The following PDE1C variants were observed in gnomAD, a reference collection of about 807,000 sequenced individuals.
PDE1C encodes the protein dual specificity calcium/calmodulin-dependent 3',5'-cyclic nucleotide phosphodiesterase 1C.
Under a neutral mutation model 93.1 loss-of-function variants are expected in PDE1C, and 62 were observed. The ratio of observed to expected loss-of-function variants is 0.67; its 90% CI spans 0.54 to 0.82. The LOEUF is 0.82. PDE1C is among the 40% of genes least tolerant of loss of function. PDE1C has a pLI of 0.00. For synonymous variants in PDE1C, 325 were observed against 310.1 expected (o/e 1.05, Z -0.50); for missense variants, 742 against 884.6 (o/e 0.84, Z 2.04).
intron 16 of PDE1C, chr7:31,783,821 CT>C (rs1225138237): frequency 6.6e-6 from 1 of 152,150 alleles, no homozygotes; most frequent in Non-Finnish European, 1.5e-5. Context: ...GATGGCCATT[CT>C]TTTACCCTGT....
the PDE1C span, among the ~76,000 whole-genome samples, chr7:31,650,073 C>G: frequency 6.6e-6 from 1 of 152,202 alleles, no homozygotes; most frequent in Admixed American, 6.5e-5. Flanking sequence ...AGTTAGGATT[C>G]TGCCCTCCTA....
chr7:32,261,430 T>C (rs999623354), intron 1 of PDE1C, among the ~76,000 whole-genome samples: 23 of 152,158 alleles, frequency 1.5e-4, no homozygotes, highest in African/African-American at 5.5e-4. Flanking sequence ...AAATTATCTT[T>C]AAAAACTCTG....
At chr7:31,809,810 C>G (rs919865901) in intron 15 of PDE1C, among the ~76,000 whole-genome samples, 1 of 152,016 alleles carries the variant, frequency 6.6e-6, no homozygotes, top group Non-Finnish European at 1.5e-5. Flanking sequence ...GTTATCTTCT[C>G]TCTCAGTCAA....
chr7:32,249,776 G>T (rs927644857), intron 1 of PDE1C, among the ~76,000 whole-genome samples: 1 of 152,096 alleles, frequency 6.6e-6, no homozygotes, highest in Non-Finnish European at 1.5e-5. Flanking sequence ...CAATCATCAC[G>T]TCTTAAGTAT....
chr7:32,116,140 T>C (rs929495469), intron 3 of PDE1C, among the ~76,000 whole-genome samples: 1 of 152,236 alleles, frequency 6.6e-6, no homozygotes, highest in Non-Finnish European at 1.5e-5. Flanking sequence ...TCCTTAAATA[T>C]GACACTTCCG....
intron 1 of PDE1C, among the ~76,000 whole-genome samples, chr7:32,422,644 A>C (rs1415853892): frequency 1.6e-4 from 24 of 152,206 alleles, no homozygotes; most frequent in Admixed American, 1.6e-3. Flanking sequence ...AGCTAAATCC[A>C]TGTTGCTGCA....
chr7:32,112,529 A>G (rs1435069773), intron 3 of PDE1C, among the ~76,000 whole-genome samples: 1 of 151,946 alleles, frequency 6.6e-6, no homozygotes, highest in Non-Finnish European at 1.5e-5. Flanking sequence ...CAGTAACAGA[A>G]TCATAGCTCA....
intron 2 of PDE1C, among the ~76,000 whole-genome samples, chr7:31,975,062 C>T (rs1336163863): frequency 6.6e-6 from 1 of 152,136 alleles, no homozygotes; most frequent in Non-Finnish European, 1.5e-5. Flanking sequence ...CCCTCTGATC[C>T]ACCACTCCAC....
intron 1 of PDE1C, among the ~76,000 whole-genome samples, chr7:32,333,031 G>C (rs1210836495): frequency 1.3e-5 from 2 of 152,108 alleles, no homozygotes; most frequent in Non-Finnish European, 2.9e-5. Flanking sequence ...ATGTATTTAT[G>C]TTGTACATCA....
chr7:32,003,584 T>G (rs2058545), intron 2 of PDE1C, among the ~76,000 whole-genome samples: 1 of 152,072 alleles, frequency 6.6e-6, no homozygotes, highest in African/African-American at 2.4e-5. Flanking sequence ...CTTAGGGAGT[T>G]AATTACTTCA....
At chr7:32,356,428 G>A (rs751426728) in intron 1 of PDE1C, among the ~76,000 whole-genome samples, 1 of 152,206 alleles carries the variant, frequency 6.6e-6, no homozygotes, top group Non-Finnish European at 1.5e-5. Context: ...TGCCTAGAAA[G>A]CTGTTAAAAG....
chr7:32,095,719 G>A (rs1200736973), intron 3 of PDE1C, among the ~76,000 whole-genome samples: 2 of 152,132 alleles, frequency 1.3e-5, no homozygotes, highest in Non-Finnish European at 2.9e-5. Flanking sequence ...GCTGCTGCTG[G>A]GGGTGCTTCT....
chr7:32,332,808 T>C (rs1405458568), intron 1 of PDE1C, among the ~76,000 whole-genome samples: 2 of 152,178 alleles, frequency 1.3e-5, no homozygotes, highest in Non-Finnish European at 2.9e-5. Context: ...TATGATTCAA[T>C]TTACAGTAAG....
chr7:32,226,749 G>A (rs748099309), intron 1 of PDE1C, among the ~76,000 whole-genome samples: 1 of 152,212 alleles, frequency 6.6e-6, no homozygotes, highest in Non-Finnish European at 1.5e-5. Flanking sequence ...CTGTGATCAT[G>A]AGCATTGCTC....
rs142676775 is a variant in PDE1C at position 32,229,953 on chromosome 7, C to G, written c.86-20414G>C. Among the ~76,000 whole-genome samples the G allele has an allele frequency of 3.3e-4, 51 of 152,324 alleles. 1 individual carries two copies. The highest frequency in any genetic ancestry group is 1.1e-3 in the African/African-American group (45 of 41,568). ...AGTGGAGGCAGTGAGTGAAGGGTCA[C>G]AAGAGACAGTGTCCCTCACCTGACA... On this transcript the variant is annotated intron_variant, in intron 1 of 18. Coordinates refer to the PDE1C transcript ENST00000396193.
intron 1 of PDE1C, among the ~76,000 whole-genome samples, chr7:32,372,813 A>T (rs1784356413): frequency 6.6e-6 from 1 of 152,242 alleles, no homozygotes. Context: ...CTGAATAGAC[A>T]TTTCTTCAAA....
intron 3 of PDE1C, among the ~76,000 whole-genome samples, chr7:32,097,726 C>G (rs185053081): frequency 6.6e-6 from 1 of 152,270 alleles, no homozygotes; most frequent in East Asian, 1.9e-4. Context: ...TCAGCCAACA[C>G]TGATAAAAAT....
At position 31,938,499 on chromosome 7, in the gene PDE1C, T is replaced by C. The variant is rs530249799; in HGVS notation, c.129-57639A>G. On this transcript the variant is annotated intron_variant, in intron 2 of 17. Coordinates refer to ENST00000396191, the MANE Select transcript of PDE1C (RefSeq NM_001191057.4). ...TCAATATTATTGGTAGAAAGTTCTT[T>C]TTACCTGATATTTACTCTTAGAATA... Among the ~76,000 whole-genome samples the C allele has an allele frequency of 2.6e-5, 4 of 152,228 alleles. No individual in the cohort carries two copies. In the South Asian group the frequency reaches 8.3e-4, roughly 32 times the overall value.
At chr7:32,274,966 C>T (rs1457103399) in intron 1 of PDE1C, among the ~76,000 whole-genome samples, 1 of 152,216 alleles carries the variant, frequency 6.6e-6, no homozygotes, top group African/African-American at 2.4e-5. Context: ...TGCCCAATTT[C>T]TAAAGCAACT....
Sources: gnomAD v4.1 joint callset for allele counts (sites outside exome capture counted in the v4.1 genomes callset) on GRCh38, gnomAD v4.1.1 for gene constraint, MANE v1.5 for transcripts, NCBI Gene and HGNC (gene_info 2026-07-23, HGNC 2026-07-21) for gene names.